Variants in LRRC4C observed in about 807,000 individuals in gnomAD.
The protein encoded by LRRC4C is leucine rich repeat containing 4C, also known as leucine-rich repeat-containing protein 4C.
Under a neutral mutation model 33.6 loss-of-function variants are expected in LRRC4C, and 5 were observed. The ratio of observed to expected loss-of-function variants is 0.15; its 90% CI spans 0.08 to 0.31. The LOEUF (loss-of-function observed/expected upper bound fraction) is 0.31, where lower values mean the gene tolerates loss of function less well. Among genes scored for constraint, LRRC4C ranks in the 10% least tolerant of loss-of-function variants. LRRC4C has a pLI of 1.00. For synonymous variants in LRRC4C, 329 were observed against 302.0 expected, an observed-to-expected ratio of 1.09 and a Z score of -0.93; for missense variants, 560 against 796.7, an observed-to-expected ratio of 0.70 and a Z score of 3.58.
chr11:41,182,281 G>C (rs1275220576), intron 1 of LRRC4C, among the ~76,000 whole-genome samples: 1 of 152,152 alleles, frequency 6.6e-6, no homozygotes, highest in Non-Finnish European at 1.5e-5. Flanking sequence ...TCACTCATGT[G>C]ATTGTACATT....
chr11:40,963,654 G>C (rs1458830039), intron 1 of LRRC4C, among the ~76,000 whole-genome samples: 6 of 151,556 alleles, frequency 4.0e-5, no homozygotes, highest in African/African-American at 1.5e-4. Context: ...CTTTAGCATT[G>C]AACTTTAGTT....
At chr11:40,774,790 TA>T (rs1266931190) in intron 2 of LRRC4C, among the ~76,000 whole-genome samples, 3 of 152,136 alleles carry the variant, frequency 2.0e-5, no homozygotes, top group Non-Finnish European at 4.4e-5. Context: ...AATGGGAATG[TA>T]AAGGGAAATG....
At position 40,730,026 on chromosome 11, in the gene LRRC4C, A is replaced by G. The variant is rs1240042823; in HGVS notation, c.-406-81748T>C. ...AAGAACAAAAAACCAAACACCGCAT[A>G]TTCTCACTCATAGGTGGGAATTGAA... On this transcript the variant is annotated intron_variant, in intron 2 of 6. Coordinates refer to ENST00000528697, the MANE Select transcript of LRRC4C (RefSeq NM_001258419.2). Among the ~76,000 whole-genome samples the G allele has an allele frequency of 1.3e-5, 2 of 151,864 alleles. 1 individual carries two copies. The highest frequency in any genetic ancestry group is 4.2e-4 in the South Asian group (2 of 4,812).
At chr11:41,221,185 T>C (rs1220705986) in intron 1 of LRRC4C, among the ~76,000 whole-genome samples, 1 of 151,648 alleles carries the variant, frequency 6.6e-6, no homozygotes, top group African/African-American at 2.4e-5. Context: ...GTTCCCCTAA[T>C]GTGCCCAAAC....
At chr11:40,733,405 G>T (rs1174482251) in intron 2 of LRRC4C, among the ~76,000 whole-genome samples, 1 of 151,886 alleles carries the variant, frequency 6.6e-6, no homozygotes, top group Non-Finnish European at 1.5e-5. Flanking sequence ...AGGAGTTTTT[G>T]CCATATATCT....
intron 1 of LRRC4C, among the ~76,000 whole-genome samples, chr11:40,937,671 G>C (rs1460191892): frequency 6.7e-6 from 1 of 150,178 alleles, no homozygotes; most frequent in Non-Finnish European, 1.5e-5. Context: ...TCTTTTTTGA[G>C]ACAGAGTCTC....
chr11:41,041,265 A>G (rs972707650), intron 1 of LRRC4C, among the ~76,000 whole-genome samples: 3 of 152,168 alleles, frequency 2.0e-5, no homozygotes, highest in Non-Finnish European at 4.4e-5. Context: ...AAAAAAATAG[A>G]CTAGGCAGAA....
At chr11:40,271,704 A>G (rs138328436) in intron 4 of LRRC4C, among the ~76,000 whole-genome samples, 4 of 152,276 alleles carry the variant, frequency 2.6e-5, no homozygotes, top group Non-Finnish European at 5.9e-5. Flanking sequence ...ATCAGCTCCG[A>G]ATGTAGACCC....
At chr11:40,883,367 T>G (rs1246570528) in intron 2 of LRRC4C, among the ~76,000 whole-genome samples, 1 of 151,956 alleles carries the variant, frequency 6.6e-6, no homozygotes, top group Admixed American at 6.6e-5. Context: ...ACTCCTAAAG[T>G]GACTGGTCAG....
chr11:40,886,834 C>CGA (rs1955482638), intron 2 of LRRC4C, among the ~76,000 whole-genome samples: 3 of 151,604 alleles, frequency 2.0e-5, no homozygotes, highest in Admixed American at 1.3e-4. Flanking sequence ...CTGACCCTCC[C>CGA]CTTCAAAGTA....
intron 1 of LRRC4C, among the ~76,000 whole-genome samples, chr11:40,956,434 C>T (rs571536418): frequency 5.3e-5 from 8 of 151,718 alleles, no homozygotes; most frequent in Non-Finnish European, 1.0e-4. Flanking sequence ...TTTTCATATT[C>T]AGAAATACTG....
At chr11:40,877,921 A>ACAAT (rs139866357) in intron 2 of LRRC4C, among the ~76,000 whole-genome samples, 11,362 of 152,214 alleles carry the variant, frequency 0.075, 521 homozygotes, top group Admixed American at 0.16. Context: ...ATCAGCTATT[A>ACAAT]CAATGAACCT....
intron 5 of LRRC4C, among the ~76,000 whole-genome samples, chr11:40,218,692 A>AATCTATCTATCTATCTATCTATCT (rs3041085): frequency 6.4e-5 from 9 of 140,112 alleles, no homozygotes; most frequent in East Asian, 2.2e-4. Flanking sequence ...AATGATAAAG[A>AATCTATCTATCTATCTATCTATCT]ATCTATCTAT....
intron 1 of LRRC4C, among the ~76,000 whole-genome samples, chr11:41,169,609 A>C (rs2136084609): frequency 6.6e-6 from 1 of 152,298 alleles, no homozygotes; most frequent in Admixed American, 6.5e-5. Context: ...TATTTGGTCC[A>C]TTATAGATAA....
At chr11:40,356,776 C>T (rs1947690912) in intron 3 of LRRC4C, among the ~76,000 whole-genome samples, 1 of 152,140 alleles carries the variant, frequency 6.6e-6, no homozygotes, top group African/African-American at 2.4e-5. Flanking sequence ...AGAAACCATA[C>T]TAATATACAT....
At chr11:41,415,388 ATGAC>A (rs1335365176) in intron 1 of LRRC4C, among the ~76,000 whole-genome samples, 1 of 152,154 alleles carries the variant, frequency 6.6e-6, no homozygotes, top group Non-Finnish European at 1.5e-5. Context: ...GAGTCCCCGA[ATGAC>A]TGAGCAAAGC....
intron 3 of LRRC4C, among the ~76,000 whole-genome samples, chr11:40,593,220 A>G (rs1959137277): frequency 6.6e-6 from 1 of 152,180 alleles, no homozygotes; most frequent in Admixed American, 6.5e-5. Flanking sequence ...AGGAATATTT[A>G]CATGACCAGG....
intron 3 of LRRC4C, among the ~76,000 whole-genome samples, chr11:40,600,297 AG>A (rs1410147070): frequency 6.6e-6 from 1 of 152,174 alleles, no homozygotes; most frequent in Non-Finnish European, 1.5e-5. Flanking sequence ...CTCGGTGTGT[AG>A]GTATTGTTTT....
intron 3 of LRRC4C, among the ~76,000 whole-genome samples, chr11:40,547,273 T>C (rs1376812742): frequency 1.3e-5 from 2 of 152,056 alleles, no homozygotes; most frequent in South Asian, 2.1e-4. Flanking sequence ...AAAAGAAAAT[T>C]CCAAAACTTT....
Sources: allele counts gnomAD v4.1 joint callset (sites outside exome capture counted in the v4.1 genomes callset), GRCh38; gene constraint gnomAD v4.1.1; transcripts MANE v1.5; gene names NCBI Gene and HGNC (gene_info 2026-07-23, HGNC 2026-07-21).